TANGO6: variants seen among roughly 807,000 people sequenced by gnomAD.
TANGO6 encodes the protein transport and Golgi organization protein 6 homolog.
A neutral mutation model predicts 114.2 loss-of-function variants in TANGO6; 90 were observed. That is an observed-to-expected ratio of 0.79 (90% confidence interval 0.66 to 0.94). The LOEUF (loss-of-function observed/expected upper bound fraction) is 0.94, where lower values mean the gene tolerates loss of function less well. TANGO6 is among the 40% of genes least tolerant of loss of function. The pLI is 0.00. For synonymous variants in TANGO6, 477 were observed against 509.8 expected, an observed-to-expected ratio of 0.94 and a Z score of 0.87; for missense variants, 1,274 against 1,315.3, an observed-to-expected ratio of 0.97 and a Z score of 0.49.
At chr16:69,012,556 C>CAAA (rs1175561720) in intron 15 of TANGO6, among the ~76,000 whole-genome samples, 21 of 36,420 alleles carry the variant, frequency 5.8e-4, no homozygotes, top group South Asian at 1.1e-3. Context: ...AACTCTGTCT[C>CAAA]AAAAAAAAAA....
chr16:68,945,942 C>T (rs926236859), intron 14 of TANGO6, among the ~76,000 whole-genome samples: 2 of 152,170 alleles, frequency 1.3e-5, no homozygotes, highest in African/African-American at 4.8e-5. Flanking sequence ...GCCTTGGCCT[C>T]CCAAAATGCT....
rs757802499 is a variant in TANGO6 at position 69,040,311 on chromosome 16, A to G, written c.2998A>G (p.Thr1000Ala). 6.2e-7 allele frequency: 1 copy of G among 1,602,282 alleles called. No individual in the cohort carries two copies. Among genetic ancestry groups the G allele is most frequent in the Non-Finnish European group, 8.5e-7 (1 of 1,174,456 alleles). ...TCATCTTCCTTCATCCTCCTAGGTA[A>G]CAGCTTGCCTGATTGCTGTGGCCAA... ...FLLGSVVHEV[T>A]ACLIAVAKTD... is the part of the protein sequence containing the mutation. Residue 1000 changes from threonine (T) to alanine (A), a missense_variant, in exon 17 of 18, where the codon ACA becomes GCA. Coordinates refer to ENST00000261778, the MANE Select transcript of TANGO6 (RefSeq NM_024562.2).
At position 68,958,489 on chromosome 16, in the gene TANGO6, CAAAAAAA is replaced by C. The variant is rs71383945; in HGVS notation, c.2702-15528_2702-15522del. 4.7e-5 allele frequency among the ~76,000 whole-genome samples: 2 copies of C among 42,460 alleles called. 1 individual carries two copies. The highest frequency in any genetic ancestry group is 1.5e-3 in the South Asian group (2 of 1,370). 27.9% of individuals were successfully genotyped at this position (42,460 alleles called of 152,430 possible). On this transcript the variant is annotated intron_variant, in intron 14 of 17. Coordinates refer to ENST00000261778, the MANE Select transcript of TANGO6 (RefSeq NM_024562.2). The stretch of plus-strand genomic sequence containing the variant: ...GGGCAGCAAGAGCGAAACTCTGTCT[CAAAAAAA>C]AAAAAAAAAAGAGAGAGGAAGGAAG...
At chr16:68,936,656 C>G (rs1282327525) in intron 14 of TANGO6, among the ~76,000 whole-genome samples, 1 of 152,126 alleles carries the variant, frequency 6.6e-6, no homozygotes, top group Non-Finnish European at 1.5e-5. Flanking sequence ...TATTTCTATA[C>G]TGTAGATCTG....
chr16:68,867,922 G>C (rs1234762967), intron 4 of TANGO6: 6 of 149,674 alleles, frequency 4.0e-5, no homozygotes, highest in African/African-American at 1.5e-4. Flanking sequence ...CAGAAGGACT[G>C]TCTGAGGCCA....
chr16:69,083,485 G>T lies in TANGO6; in HGVS notation c.3109G>T (p.Val1037Leu). 1.2e-6 allele frequency: 2 copies of T among 1,608,050 alleles called. No individual in the cohort carries two copies. The highest frequency in any genetic ancestry group is 1.7e-6 in the Non-Finnish European group (2 of 1,176,906). Residue 1037 changes from valine (V) to leucine (L), a missense_variant and splice_region_variant, in exon 18 of 18, where the codon GTG becomes TTG. Val to Leu is a conservative substitution (Grantham distance 32, BLOSUM62 1). Transcript: ENST00000261778. ...GGTCATGGCTGTCTCTCTCATGCAG[G>T]TGCTGAGCGCCGTCCTCAAGGATCT... is the stretch of plus-strand genomic sequence containing the variant. ...LRGLSQKATE[V>L]LSAVLKDLYH...
intron 17 of TANGO6, among the ~76,000 whole-genome samples, chr16:69,072,341 C>T (rs1960310717): frequency 6.6e-6 from 1 of 152,038 alleles, no homozygotes; most frequent in South Asian, 2.1e-4. Flanking sequence ...TGAGACGCAC[C>T]CAGCCTACTC....
rs1267594774 is a variant in TANGO6 at position 68,909,277 on chromosome 16, C to T, written c.1867C>T (p.Leu623Phe). Reference sequence around the variant, plus strand: ...AACTGAGCCCTTCTCCAGCAAGAGCCTCTTGGAATTAGAGCAACATCAGAC... The same window carrying T: ...AACTGAGCCCTTCTCCAGCAAGAGCTTCTTGGAATTAGAGCAACATCAGAC... ...LKTEPFSSKS[L>F]LELEQHQTLL... Residue 623 changes from leucine (L) to phenylalanine (F), a missense_variant, in exon 11 of 18, where the codon CTC (leucine) becomes TTC (phenylalanine). Coordinates refer to ENST00000261778, the MANE Select transcript of TANGO6 (RefSeq NM_024562.2). 2.5e-6 allele frequency: 4 copies of T among 1,609,824 alleles called. No homozygotes were observed. The highest frequency in any genetic ancestry group is 1.3e-5 in the African/African-American group (1 of 74,746).
intron 17 of TANGO6, among the ~76,000 whole-genome samples, chr16:69,077,895 G>A (rs532337932): frequency 1.3e-5 from 2 of 152,038 alleles, no homozygotes; most frequent in African/African-American, 4.8e-5. Context: ...CATCTAGAGA[G>A]GAAAACCTTT....
intron 15 of TANGO6, among the ~76,000 whole-genome samples, chr16:68,988,349 T>A (rs1963915714): frequency 1.3e-5 from 2 of 152,172 alleles, no homozygotes. Context: ...TTGACTTGCC[T>A]TTTTCTCCTG....
intron 16 of TANGO6, among the ~76,000 whole-genome samples, chr16:69,027,034 T>C (rs1959513373): frequency 6.6e-6 from 1 of 152,168 alleles, no homozygotes; most frequent in Admixed American, 6.6e-5. Context: ...AGCTAATTTT[T>C]GTATTTTTAG....
intron 14 of TANGO6, among the ~76,000 whole-genome samples, chr16:68,948,419 A>G (rs1013055399): frequency 2.0e-5 from 3 of 152,180 alleles, no homozygotes; most frequent in Non-Finnish European, 2.9e-5. Flanking sequence ...AGGCTTAAGG[A>G]TGTTAAGTAA....
At chr16:69,046,046 A>G (rs1165456256) in intron 17 of TANGO6, among the ~76,000 whole-genome samples, 1 of 145,538 alleles carries the variant, frequency 6.9e-6, no homozygotes, top group Non-Finnish European at 1.5e-5. Flanking sequence ...TCTGGGTGAT[A>G]GAGCGAGACT....
At chr16:68,939,604 G>A (rs9922928) in intron 14 of TANGO6, among the ~76,000 whole-genome samples, 11,900 of 145,304 alleles carry the variant, frequency 0.082, 524 homozygotes, top group African/African-American at 0.1. Context: ...TTGCCATAAA[G>A]CATGGATATT....
intron 17 of TANGO6, among the ~76,000 whole-genome samples, chr16:69,040,806 T>C (rs1260551358): frequency 1.3e-5 from 2 of 152,160 alleles, no homozygotes; most frequent in Non-Finnish European, 2.9e-5. Flanking sequence ...CTAAAGGGCC[T>C]CATTGAAGAT....
chr16:69,051,870 T>A (rs1275881479), intron 17 of TANGO6, among the ~76,000 whole-genome samples: 16 of 151,774 alleles, frequency 1.1e-4, no homozygotes, highest in South Asian at 8.3e-4. Flanking sequence ...ATATATATAT[T>A]TTTTCCATAT....
chr16:68,951,864 G>A lies in TANGO6; in HGVS notation c.2701+21569G>A, dbSNP rs771313826. 5.3e-5 allele frequency among the ~76,000 whole-genome samples: 8 copies of A among 152,094 alleles called. No homozygotes were observed. The South Asian group carries it at 1.5e-3, about 28-fold the overall frequency. ...CCTGACCTTGTGATCCACCCGCCTCGGCCTCCCAAAGTGCTGAGATTACAG... is the reference window on the plus strand; with the variant it reads ...CCTGACCTTGTGATCCACCCGCCTCAGCCTCCCAAAGTGCTGAGATTACAG... On this transcript the variant is annotated intron_variant, in intron 14 of 17. Coordinates refer to ENST00000261778, the MANE Select transcript of TANGO6 (RefSeq NM_024562.2).
chr16:68,892,952 A>G (rs1021276311), intron 7 of TANGO6, among the ~76,000 whole-genome samples: 3 of 152,132 alleles, frequency 2.0e-5, no homozygotes, highest in Non-Finnish European at 2.9e-5. Flanking sequence ...TTGTTTGGGG[A>G]TCCCTAGTTG....
At chr16:68,883,892 C>G (rs971137497) in intron 7 of TANGO6, among the ~76,000 whole-genome samples, 2 of 151,972 alleles carry the variant, frequency 1.3e-5, no homozygotes, top group African/African-American at 4.8e-5. Context: ...AATGCAAACT[C>G]ATTCTCCATA....
Sources: allele counts gnomAD v4.1 joint callset (sites outside exome capture counted in the v4.1 genomes callset), GRCh38; gene constraint gnomAD v4.1.1; transcripts MANE v1.5; gene names NCBI Gene and HGNC (gene_info 2026-07-23, HGNC 2026-07-21).